The following PRDM15 variants were observed in gnomAD, a reference collection of about 807,000 sequenced individuals.
The protein encoded by PRDM15 is PR/SET domain 15, also known as PR domain zinc finger protein 15.
A neutral mutation model predicts 128.6 loss-of-function variants in PRDM15; 64 were observed. That is an observed-to-expected ratio of 0.50 (90% confidence interval 0.41 to 0.61). The LOEUF is 0.61. Among genes scored for constraint, PRDM15 ranks in the 20% least tolerant of loss-of-function variants. The pLI, the probability that PRDM15 is intolerant of heterozygous loss-of-function variation, is 0.00. For synonymous variants in PRDM15, 615 were observed against 621.8 expected (o/e 0.99, Z 0.16); for missense variants, 1,242 against 1,569.1 (o/e 0.79, Z 3.52).
intron 8 of PRDM15, among the ~76,000 whole-genome samples, chr21:41,837,729 G>C (rs1354675074): frequency 1.3e-5 from 2 of 151,962 alleles, no homozygotes; most frequent in African/African-American, 4.8e-5. Flanking sequence ...TTCTAAAGCT[G>C]TTTTCACAGT....
At chr21:41,871,526 G>A in intron 1 of PRDM15, 1 of 1,609,976 alleles carries the variant, frequency 6.2e-7, no homozygotes, top group Non-Finnish European at 8.5e-7. Context: ...TCGCAGGCCT[G>A]CACTCGCAGG....
intron 1 of PRDM15, among the ~76,000 whole-genome samples, chr21:41,872,971 T>C (rs979406960): frequency 1.3e-5 from 2 of 152,206 alleles, no homozygotes; most frequent in African/African-American, 4.8e-5. Flanking sequence ...CTGGTGGTGG[T>C]AGGAGGGAAA....
chr21:41,864,921 G>T lies in PRDM15; in HGVS notation c.-9-4549C>A, dbSNP rs540674065. On this transcript the variant is annotated intron_variant, in intron 1 of 23. Transcript: ENST00000398548. ...CCTCTCCAGCCACGCTTCCCGGAAC[G>T]CCAAGCTGGGTCCTGCCTCTGGGCC... Among the ~76,000 whole-genome samples the T allele has an allele frequency of 3.0e-3, 287 of 96,212 alleles. 5 individuals are homozygous for T. Among genetic ancestry groups the T allele is most frequent in the Non-Finnish European group, 4.6e-3 (234 of 51,018 alleles). The allele number at this position is 96,212 out of a possible 152,430, so 63.1% of individuals were successfully genotyped here. A position where few individuals can be genotyped will look rare whatever the true frequency, so the allele number is the denominator to read the frequency against.
intron 1 of PRDM15, among the ~76,000 whole-genome samples, chr21:41,878,072 G>T (rs1367668780): frequency 6.6e-6 from 1 of 152,390 alleles, no homozygotes; most frequent in African/African-American, 2.4e-5. Flanking sequence ...CCCTTATCGA[G>T]TGTTGACATC....
intron 21 of PRDM15, among the ~76,000 whole-genome samples, chr21:41,806,865 ACCG>A (rs1164694781): frequency 0.055 from 8,052 of 147,414 alleles, 334 homozygotes; most frequent in East Asian, 0.19. Flanking sequence ...CACCACTACC[ACCG>A]CCATCACCAT....
At chr21:41,829,124 CAT>C (rs2062587233) in intron 11 of PRDM15, among the ~76,000 whole-genome samples, 1 of 53,656 alleles carries the variant, frequency 1.9e-5, no homozygotes, top group Non-Finnish European at 4.0e-5. Flanking sequence ...CCACACTCAA[CAT>C]ACCACACACA....
chr21:41,801,775 G>A (rs1192939082), intron 23 of PRDM15, 53 bp from the exon 24 acceptor site: 12 of 1,570,300 alleles, frequency 7.6e-6, no homozygotes, highest in African/African-American at 6.7e-5. Context: ...AATGGGGAAC[G>A]CAAGGACCTC....
rs1334388228 is a variant in PRDM15, at chr21:41,854,946, T to C, written c.286-128A>G. 2 of 1,032,240 alleles carry C rather than the reference T, an allele frequency of 1.9e-6. No individual in the cohort carries two copies. The highest frequency in any genetic ancestry group is 2.8e-6 in the Non-Finnish European group (2 of 726,144). 63.9% of individuals were successfully genotyped at this position (1,032,240 alleles called of 1,614,324 possible). ...CCACGTCAGAGGCCATAAGGGCTCC[T>C]GTACGGGATGTTGAGGTGTTTACAA... is the stretch of plus-strand genomic sequence containing the variant. On this transcript the variant is annotated intron_variant, in intron 4 of 23. Transcript: ENST00000398548. The surrounding 1 kb of genome is among the most constrained non-coding windows in gnomAD (Gnocchi z 4.6).
intron 4 of PRDM15, among the ~76,000 whole-genome samples, chr21:41,855,385 C>T (rs1187534365): frequency 6.6e-6 from 1 of 152,190 alleles, no homozygotes; most frequent in African/African-American, 2.4e-5. Context: ...GAAAAACTTA[C>T]ATATTTTGAA....
At position 41,847,771 on chromosome 21, in the gene PRDM15, T is replaced by A. The variant is rs1015389825; in HGVS notation, c.539-580A>T. Reference sequence around the variant, plus strand: ...GAAATAAGTGTTTAATTTTACTAAGTTTGAACTTAATTTTAAATAGGCACC... The same window carrying A: ...GAAATAAGTGTTTAATTTTACTAAGATTGAACTTAATTTTAAATAGGCACC... On this transcript the variant is annotated intron_variant, in intron 5 of 23. Transcript: ENST00000398548. 7.9e-5 allele frequency among the ~76,000 whole-genome samples: 12 copies of A among 152,296 alleles called. 1 individual carries two copies. Among genetic ancestry groups the A allele is most frequent in the Admixed American group, 7.8e-4 (12 of 15,300 alleles).
chr21:41,823,530 A>T lies in PRDM15; in HGVS notation c.1630-81T>A, dbSNP rs916119165. The T allele has an allele frequency of 1.0e-4, 154 of 1,467,034 alleles. No individual in the cohort carries two copies. The African/African-American group carries it at 1.8e-3, about 17-fold the overall frequency. The allele number at this position is 1,467,034 out of a possible 1,614,324, so 90.9% of individuals were successfully genotyped here. A position where few individuals can be genotyped will look rare whatever the true frequency, so the allele number is the denominator to read the frequency against. ...CCTCTCCATCAGGCTCCTCTGGGGA[A>T]ACCACAACCCGGGACGGAAACACAG... On this transcript the variant is annotated intron_variant, in intron 13 of 23. Transcript: ENST00000398548.
Position 41,798,513 on chromosome 21 carries a change from C to T in PRDM15, c.*2727G>A, listed in dbSNP as rs1343345815. 3 of 152,486 alleles carry T rather than the reference C, an allele frequency of 2.0e-5. No individual in the cohort carries two copies. Among genetic ancestry groups the T allele is most frequent in the Middle Eastern group, 3.4e-3 (1 of 296 alleles). 9.4% of individuals were successfully genotyped at this position (152,486 alleles called of 1,614,324 possible). A position where few individuals can be genotyped will look rare whatever the true frequency, so the allele number is the denominator to read the frequency against. On this transcript the variant is annotated 3_prime_UTR_variant, in exon 24 of 24. Coordinates refer to ENST00000398548, the MANE Select transcript of PRDM15 (RefSeq NM_001040424.3). The stretch of plus-strand genomic sequence containing the variant: ...AACGTTTTCCTGAGAACACGTCACA[C>T]GCTAGAGCATTCCAGAGGCCCGAGC...
chr21:41,801,712 G>A lies in PRDM15; in HGVS notation c.2954C>T (p.Thr985Ile). The change falls in exon 24 of 24, where the codon ACC becomes ATC. Residue 985 changes from threonine (T) to isoleucine (I), a missense_variant. By Grantham distance (89) the Thr-to-Ile change is moderately conservative (BLOSUM62 -1). Around this residue, in one of 3 missense-constraint regions of PRDM15, gnomAD observed 602 missense variants for 788.3 expected, o/e 0.76. Transcript: ENST00000398548. ...TGTGGTCACATTTGGGTCACCCAGGGTCACCACTACCTGGAAGATTCACAC... is the reference window on the plus strand; with the variant it reads ...TGTGGTCACATTTGGGTCACCCAGGATCACCACTACCTGGAAGATTCACAC... ...AVQSIQQVVVTLGDPNVTTPS... is the reference protein window; with the variant it reads ...AVQSIQQVVVILGDPNVTTPS... 2 of 1,612,038 alleles carry A rather than the reference G, an allele frequency of 1.2e-6. No individual in the cohort carries two copies. Among genetic ancestry groups the A allele is most frequent in the Non-Finnish European group, 1.7e-6 (2 of 1,178,306 alleles).
chr21:41,817,929 A>T (rs1021532465), intron 18 of PRDM15, among the ~76,000 whole-genome samples: 5 of 152,354 alleles, frequency 3.3e-5, no homozygotes, highest in Admixed American at 2.0e-4. Flanking sequence ...AAACACTAAA[A>T]TGTCTACAAC....
At chr21:41,848,089 C>T (rs1212647475) in intron 5 of PRDM15, among the ~76,000 whole-genome samples, 1 of 152,214 alleles carries the variant, frequency 6.6e-6, no homozygotes, top group Non-Finnish European at 1.5e-5. Flanking sequence ...CACTTCGACT[C>T]TAATCACGAT....
intron 5 of PRDM15, among the ~76,000 whole-genome samples, chr21:41,853,793 G>C (rs112449581): frequency 6.6e-6 from 1 of 152,038 alleles, no homozygotes; most frequent in African/African-American, 2.4e-5. Flanking sequence ...GCACACGCGC[G>C]CACACACACA....
rs983668863 is a variant in PRDM15 at position 41,810,533 on chromosome 21, G to A, written c.2477-204C>T. 9.2e-6 allele frequency: 6 copies of A among 649,688 alleles called. No individual in the cohort carries two copies. Among genetic ancestry groups the A allele is most frequent in the Non-Finnish European group, 1.6e-5 (6 of 379,382 alleles). The allele number at this position is 649,688 out of a possible 1,614,324, so 40.2% of individuals were successfully genotyped here. A position where few individuals can be genotyped will look rare whatever the true frequency, so the allele number is the denominator to read the frequency against. ...TTGGGGAGCACTGCCAGCAGCAGCT[G>A]CATCACGGAACCAATATGAGAAAAT... is the stretch of plus-strand genomic sequence containing the variant. On this transcript the variant is annotated intron_variant, in intron 20 of 23. Transcript: ENST00000398548. This position sits in a 1 kb window ranked among gnomAD's most constrained non-coding sequence, Gnocchi z 6.4.
intron 13 of PRDM15, 26 bp from the exon 14 acceptor site, chr21:41,823,475 G>A: frequency 1.3e-6 from 2 of 1,533,444 alleles, no homozygotes; most frequent in Non-Finnish European, 1.8e-6. Flanking sequence ...CGCATGGTGA[G>A]GGGCTGCGGC....
chr21:41,854,912 T>C lies in PRDM15; in HGVS notation c.286-94A>G. The C allele has an allele frequency of 7.1e-7, 1 of 1,404,220 alleles. No homozygotes were observed. The highest frequency in any genetic ancestry group is 9.6e-7 in the Non-Finnish European group (1 of 1,042,570). The allele number at this position is 1,404,220 out of a possible 1,614,324, so 87.0% of individuals were successfully genotyped here. A position where few individuals can be genotyped will look rare whatever the true frequency, so the allele number is the denominator to read the frequency against. ...GGGGGCAGGTGCTGAGGAACCCATC[T>C]AGACAGTGCCACGTCAGAGGCCATA... On this transcript the variant is annotated intron_variant, in intron 4 of 23. Coordinates refer to ENST00000398548, the MANE Select transcript of PRDM15 (RefSeq NM_001040424.3). The surrounding 1 kb of genome is among the most constrained non-coding windows in gnomAD (Gnocchi z 4.6).
Sources: allele counts gnomAD v4.1 joint callset (sites outside exome capture counted in the v4.1 genomes callset), GRCh38; gene constraint gnomAD v4.1.1; regional missense constraint gnomAD v4.1.1; non-coding constraint Gnocchi (gnomAD v3.1); transcripts MANE v1.5; gene names NCBI Gene and HGNC (gene_info 2026-07-23, HGNC 2026-07-21).